PDK1: variants seen among roughly 807,000 people sequenced by gnomAD.
PDK1 encodes the protein [Pyruvate dehydrogenase (acetyl-transferring)] kinase isozyme 1, mitochondrial.
PDK1 carries 39 observed loss-of-function variants against 54.2 expected under a neutral mutation model. The ratio of observed to expected loss-of-function variants is 0.72; its 90% confidence interval spans 0.56 to 0.94. The LOEUF is 0.94. Ranked by LOEUF, PDK1 falls within the 40% of genes least tolerant of loss-of-function variation. The pLI is 0.00. For synonymous variants in PDK1, 221 were observed against 207.1 expected, an observed-to-expected ratio of 1.07 and a Z score of -0.58; for missense variants, 552 against 566.0, an observed-to-expected ratio of 0.98 and a Z score of 0.25.
At chr2:172,588,939 A>G (rs1350095183) in intron 9 of PDK1, among the ~76,000 whole-genome samples, 1 of 152,200 alleles carries the variant, frequency 6.6e-6, no homozygotes, top group African/African-American at 2.4e-5. Context: ...CCCATGCTGG[A>G]AGGGTTTACT....
chr2:172,720,527 G>C, the PDK1 span, among the ~76,000 whole-genome samples: 7,692 of 152,190 alleles, frequency 0.051, 375 homozygotes, highest in East Asian at 0.21. Context: ...TTGTTACCCA[G>C]TATTGCAAGC....
the PDK1 span, among the ~76,000 whole-genome samples, chr2:172,653,807 C>T: frequency 1.1e-4 from 17 of 152,114 alleles, no homozygotes; most frequent in East Asian, 2.5e-3. Flanking sequence ...TTCTGCACAG[C>T]GAAAGAAACT....
chr2:172,670,231 A>G, the PDK1 span, among the ~76,000 whole-genome samples: 1 of 152,328 alleles, frequency 6.6e-6, no homozygotes, highest in Non-Finnish European at 1.5e-5. Context: ...AATTGCTTAA[A>G]TTTGTAAATT....
chr2:172,629,507 G>A, the PDK1 span, among the ~76,000 whole-genome samples: 1 of 152,114 alleles, frequency 6.6e-6, no homozygotes, highest in Non-Finnish European at 1.5e-5. Context: ...GAACTCCAGG[G>A]GAAGACCATC....
At chr2:172,575,488 A>G (rs1689528890) in intron 8 of PDK1, among the ~76,000 whole-genome samples, 1 of 152,142 alleles carries the variant, frequency 6.6e-6, no homozygotes, top group South Asian at 2.1e-4. Flanking sequence ...TTCAATCTCT[A>G]TTTGTTATAT....
At chr2:172,612,956 G>A (rs185007020), downstream of PDK1, among the ~76,000 whole-genome samples, 1 of 152,154 alleles carries the variant, frequency 6.6e-6, no homozygotes, top group Non-Finnish European at 1.5e-5. Flanking sequence ...CACCGCACCC[G>A]GCCCAGCTAG....
At chr2:172,587,303 C>T (rs1013258215) in intron 9 of PDK1, among the ~76,000 whole-genome samples, 1 of 152,168 alleles carries the variant, frequency 6.6e-6, no homozygotes, top group Non-Finnish European at 1.5e-5. Context: ...TTGCTGGCTT[C>T]AGGAGTGAAG....
At chr2:172,679,733 A>C in the PDK1 span, among the ~76,000 whole-genome samples, 5 of 152,240 alleles carry the variant, frequency 3.3e-5, no homozygotes, top group Non-Finnish European at 5.9e-5. Context: ...TTATAATGGA[A>C]AAAAATGGGG....
the PDK1 span, among the ~76,000 whole-genome samples, chr2:172,687,544 C>G: frequency 6.6e-6 from 1 of 152,128 alleles, no homozygotes; most frequent in Non-Finnish European, 1.5e-5. Context: ...TACTCATCCT[C>G]TTTTTCCCCA....
the PDK1 span, among the ~76,000 whole-genome samples, chr2:172,622,810 T>TGAG: frequency 1.1e-3 from 166 of 147,686 alleles, 1 homozygote; most frequent in African/African-American, 3.7e-3. Flanking sequence ...ATATATTATG[T>TGAG]ATATGTTTAT....
At chr2:172,568,327 C>CAAAAAAAAAAAAAAAA (rs11400625) in intron 6 of PDK1, among the ~76,000 whole-genome samples, 1 of 57,110 alleles carries the variant, frequency 1.8e-5, no homozygotes, top group Non-Finnish European at 3.5e-5. Context: ...GACTCCGTCT[C>CAAAAAAAAAAAAAAAA]AAAAAAAAAA....
chr2:172,629,567 C>T, the PDK1 span, among the ~76,000 whole-genome samples: 1 of 152,166 alleles, frequency 6.6e-6, no homozygotes, highest in East Asian at 1.9e-4. Flanking sequence ...GAGCCACTGC[C>T]ACCACTCAAT....
Position 172,562,218 on chromosome 2 carries a change from A to G in PDK1, c.339-2A>G, listed in dbSNP as rs1399792208. 9 of 1,531,520 alleles carry G rather than the reference A, an allele frequency of 5.9e-6. No homozygotes were observed. In the South Asian group the frequency reaches 1.0e-4, roughly 17 times the overall value. The allele number at this position is 1,531,520 out of a possible 1,614,324, so 94.9% of individuals were successfully genotyped here. Reference sequence around the variant, plus strand: ...AACTTATCCTATTGATCTGCATTTTAGGTATATCCAGAGTCTTCAGGAGCT... The same window carrying G: ...AACTTATCCTATTGATCTGCATTTTGGGTATATCCAGAGTCTTCAGGAGCT... On this transcript the variant is annotated splice_acceptor_variant, in intron 2 of 10. Coordinates refer to ENST00000282077, the MANE Select transcript of PDK1 (RefSeq NM_002610.5). LOFTEE classifies it high-confidence loss of function.
At chr2:172,643,418 G>C in the PDK1 span, among the ~76,000 whole-genome samples, 2 of 152,198 alleles carry the variant, frequency 1.3e-5, no homozygotes, top group Admixed American at 6.5e-5. Context: ...CTGCAGCAGT[G>C]GGGTGTGGCC....
chr2:172,583,718 ATATC>A (rs1245363264), intron 8 of PDK1, among the ~76,000 whole-genome samples: 1 of 152,190 alleles, frequency 6.6e-6, no homozygotes, highest in Admixed American at 6.5e-5. Context: ...AAAAATCAAA[ATATC>A]TACATAATTA....
At chr2:172,640,288 T>C in the PDK1 span, among the ~76,000 whole-genome samples, 5 of 152,214 alleles carry the variant, frequency 3.3e-5, no homozygotes, top group East Asian at 9.6e-4. Context: ...TGAGACTCAC[T>C]GGAGAAGATG....
chr2:172,632,837 G>A, the PDK1 span, among the ~76,000 whole-genome samples: 41 of 151,524 alleles, frequency 2.7e-4, no homozygotes, highest in Admixed American at 1.4e-3. Context: ...AAAATTAGCC[G>A]GGTGTGGTGG....
At chr2:172,590,126 T>TATTAGAG (rs1558954445) in intron 9 of PDK1, among the ~76,000 whole-genome samples, 1 of 152,172 alleles carries the variant, frequency 6.6e-6, no homozygotes, top group East Asian at 1.9e-4. Flanking sequence ...AGTAGATCTA[T>TATTAGAG]ATTAGAGATA....
chr2:172,696,196 A>G, the PDK1 span, among the ~76,000 whole-genome samples: 1 of 151,858 alleles, frequency 6.6e-6, no homozygotes, highest in Non-Finnish European at 1.5e-5. Flanking sequence ...AAAGAAAAAA[A>G]AAAGCTTAGG....
Sources: allele counts gnomAD v4.1 joint callset (sites outside exome capture counted in the v4.1 genomes callset), GRCh38; gene constraint gnomAD v4.1.1; transcripts MANE v1.5; gene names NCBI Gene and HGNC (gene_info 2026-07-23, HGNC 2026-07-21).